NFIX: variants seen among roughly 807,000 people sequenced by gnomAD.
The protein encoded by NFIX is nuclear factor I X.
NFIX carries 2 observed loss-of-function variants against 53.3 expected under a neutral mutation model. That is an observed-to-expected ratio of 0.04 (90% CI 0.02 to 0.12). NFIX has a LOEUF of 0.12. NFIX is among the 10% of genes least tolerant of loss of function. NFIX has a pLI of 1.00. For synonymous variants in NFIX, 244 were observed against 289.0 expected, an observed-to-expected ratio of 0.84 and a Z score of 1.58; for missense variants, 310 against 674.5, an observed-to-expected ratio of 0.46 and a Z score of 5.99.
chr19:13,066,404 C>T lies in NFIX; in HGVS notation c.560-6643C>T, dbSNP rs777528079. On this transcript the variant is annotated intron_variant, in intron 2 of 10. Coordinates refer to ENST00000592199, the MANE Select transcript of NFIX (RefSeq NM_001365902.3). The surrounding 1 kb of genome is among the most constrained non-coding windows in gnomAD (Gnocchi z 4.2). ...CTTGAGCCTAGGCCCTAGGGGCAGCCAGAGCAGGCCTAGACCACATGTGGG... is the reference window on the plus strand; with the variant it reads ...CTTGAGCCTAGGCCCTAGGGGCAGCTAGAGCAGGCCTAGACCACATGTGGG... Among the ~76,000 whole-genome samples, 55 of 152,026 alleles carry T rather than the reference C, an allele frequency of 3.6e-4. 1 individual carries two copies. The highest frequency in any genetic ancestry group is 8.8e-5 in the Non-Finnish European group (6 of 68,002).
intron 2 of NFIX, among the ~76,000 whole-genome samples, chr19:13,026,742 C>CTGTGTG (rs201556216): frequency 2.9e-4 from 42 of 146,518 alleles, no homozygotes; most frequent in African/African-American, 9.6e-4. Flanking sequence ...CTCTCTCTCT[C>CTGTGTG]TCTGTGTGTG....
Position 13,081,577 on chromosome 19 carries a change from A to T in NFIX, c.1079-103A>T. ...GTGGCGGCTGCCTTACCTGCTCAGG[A>T]TCCTCAGGACCCTCTGACCGGCAGC... On this transcript the variant is annotated intron_variant, in intron 7 of 10. Coordinates refer to ENST00000592199, the MANE Select transcript of NFIX (RefSeq NM_001365902.3). This position sits in a 1 kb window ranked among gnomAD's most constrained non-coding sequence, Gnocchi z 4.7. 10 of 1,235,370 alleles carry T rather than the reference A, an allele frequency of 8.1e-6. No homozygotes were observed. Among genetic ancestry groups the T allele is most frequent in the Non-Finnish European group, 1.1e-5 (10 of 901,772 alleles). The allele number at this position is 1,235,370 out of a possible 1,614,324, so 76.5% of individuals were successfully genotyped here. A position where few individuals can be genotyped will look rare whatever the true frequency, so the allele number is the denominator to read the frequency against.
intron 10 of NFIX, among the ~76,000 whole-genome samples, chr19:13,091,634 CT>C (rs892411793): frequency 1.3e-5 from 2 of 152,132 alleles, no homozygotes; most frequent in African/African-American, 4.8e-5. Flanking sequence ...CGAGCAGGGG[CT>C]GGAGCCAGCC....
At chr19:13,082,985 G>A (rs1307428632) in intron 8 of NFIX, among the ~76,000 whole-genome samples, 2 of 152,144 alleles carry the variant, frequency 1.3e-5, no homozygotes, top group African/African-American at 2.4e-5. Flanking sequence ...CCGTGGCTCC[G>A]CCTCCTCACT....
Position 13,019,442 on chromosome 19 carries a change from C to T in NFIX, c.28-5579C>T, listed in dbSNP as rs546610097. Among the ~76,000 whole-genome samples the T allele has an allele frequency of 7.9e-5, 12 of 152,264 alleles. 1 individual carries two copies. The highest frequency in any genetic ancestry group is 2.6e-4 in the African/African-American group (11 of 41,556). On this transcript the variant is annotated intron_variant, in intron 1 of 10. Transcript: ENST00000592199. ...TTAACTGGTTTTTCTTTCTCTGCCGCGGTGCAGAGCCCTTTTCTGTCTTCT... is the reference window on the plus strand; with the variant it reads ...TTAACTGGTTTTTCTTTCTCTGCCGTGGTGCAGAGCCCTTTTCTGTCTTCT...
Position 13,028,667 on chromosome 19 carries a change from T to A in NFIX, c.559+3115T>A, listed in dbSNP as rs1433591618. ...GTCTGTCTGTGTTTAGGAAGGGAGG[T>A]TGAGGCAGGGCAGGGTCAGAGAGCA... On this transcript the variant is annotated intron_variant, in intron 2 of 10. Transcript: ENST00000592199. The surrounding 1 kb of genome is among the most constrained non-coding windows in gnomAD (Gnocchi z 4.2). 6.6e-6 allele frequency among the ~76,000 whole-genome samples: 1 copy of A among 151,888 alleles called. No homozygotes were observed. The highest frequency in any genetic ancestry group is 1.5e-5 in the Non-Finnish European group (1 of 67,970).
chr19:13,026,473 G>A (rs867372479), intron 2 of NFIX, among the ~76,000 whole-genome samples: 1 of 151,068 alleles, frequency 6.6e-6, no homozygotes, highest in African/African-American at 2.4e-5. Flanking sequence ...CCTGCATTTT[G>A]GGTCAGGGTG....
chr19:13,074,140 C>T (rs2016932572), intron 5 of NFIX, 114 bp downstream of exon 5: 1 of 1,359,124 alleles, frequency 7.4e-7, no homozygotes, highest in African/African-American at 1.4e-5. Context: ...AGAATGTCAC[C>T]TCTCTCATTG....
chr19:13,036,073 C>G lies in NFIX; in HGVS notation c.559+10521C>G, dbSNP rs1215667844. On this transcript the variant is annotated intron_variant, in intron 2 of 10. Coordinates refer to ENST00000592199, the MANE Select transcript of NFIX (RefSeq NM_001365902.3). This position sits in a 1 kb window ranked among gnomAD's most constrained non-coding sequence, Gnocchi z 4.7. ...CGACCACAGAAGTCAGGGCCTAAGC[C>G]TCAGCCTGCCCTGAGATCCCCACCA... 1.3e-5 allele frequency among the ~76,000 whole-genome samples: 2 copies of G among 152,212 alleles called. No homozygotes were observed. Among genetic ancestry groups the G allele is most frequent in the Admixed American group, 1.3e-4 (2 of 15,288 alleles).
Position 13,094,698 on chromosome 19 carries a change from A to AG in NFIX, c.*55dup, listed in dbSNP as rs949862547. The AG allele has an allele frequency of 6.6e-7, 1 of 1,522,452 alleles. No homozygotes were observed. Among genetic ancestry groups the AG allele is most frequent in the East Asian group, 2.4e-5 (1 of 40,822 alleles). The allele number at this position is 1,522,452 out of a possible 1,614,324, so 94.3% of individuals were successfully genotyped here. ...AAATGAGAAGAAGAGGTTCCTCGAA[A>AG]GGGGGGAGAAGAAATTTTGAGAATG... On this transcript the variant is annotated 3_prime_UTR_variant, in exon 11 of 11. Coordinates refer to ENST00000592199, the MANE Select transcript of NFIX (RefSeq NM_001365902.3). This position sits in a 1 kb window ranked among gnomAD's most constrained non-coding sequence, Gnocchi z 4.3.
chr19:13,056,036 G>A (rs1305178725), intron 2 of NFIX, among the ~76,000 whole-genome samples: 1 of 152,178 alleles, frequency 6.6e-6, no homozygotes, highest in African/African-American at 2.4e-5. Context: ...GGGAGTGAGG[G>A]CTGAAAAGCA....
At position 13,051,946 on chromosome 19, in the gene NFIX, G is replaced by A. The variant is rs905465155; in HGVS notation, c.560-21101G>A. 3.9e-5 allele frequency among the ~76,000 whole-genome samples: 6 copies of A among 152,146 alleles called. No individual in the cohort carries two copies. Among genetic ancestry groups the A allele is most frequent in the Non-Finnish European group, 8.8e-5 (6 of 68,026 alleles). ...TCACAGCGCCCGCCTTCTCCGCTCC[G>A]GCTTCATGCTCTCCAGGTTTCTCCA... On this transcript the variant is annotated intron_variant, in intron 2 of 10. Transcript: ENST00000592199. The surrounding 1 kb of genome is among the most constrained non-coding windows in gnomAD (Gnocchi z 5.1).
intron 1 of NFIX, among the ~76,000 whole-genome samples, chr19:13,018,532 C>T (rs571069799): frequency 6.6e-6 from 1 of 152,328 alleles, no homozygotes; most frequent in East Asian, 1.9e-4. Context: ...CCGCTTTGTC[C>T]AAATTATCCG....
chr19:13,066,832 C>A lies in NFIX; in HGVS notation c.560-6215C>A, dbSNP rs999555317. Among the ~76,000 whole-genome samples the A allele has an allele frequency of 6.6e-6, 1 of 152,098 alleles. No homozygotes were observed. The highest frequency in any genetic ancestry group is 2.4e-5 in the African/African-American group (1 of 41,408). ...GAGAAGGAGAGGAAGATCCTAGAAG[C>A]CCCGTGGGCCCAGACCCTGGCCAAG... is the stretch of plus-strand genomic sequence containing the variant. On this transcript the variant is annotated intron_variant, in intron 2 of 10. Transcript: ENST00000592199. The surrounding 1 kb of genome is among the most constrained non-coding windows in gnomAD (Gnocchi z 4.2).
intron 7 of NFIX, among the ~76,000 whole-genome samples, chr19:13,080,857 G>A (rs545054755): frequency 4.0e-5 from 6 of 151,838 alleles, no homozygotes; most frequent in Non-Finnish European, 7.4e-5. Flanking sequence ...AAAATTAGCC[G>A]GGCGTGGTGG....
At chr19:13,077,347 C>G (rs143201983) in intron 6 of NFIX, among the ~76,000 whole-genome samples, 1 of 152,224 alleles carries the variant, frequency 6.6e-6, no homozygotes, top group Non-Finnish European at 1.5e-5. Flanking sequence ...CAGCACCCTC[C>G]GGCTCCCTTT....
In NFIX at chr19:13,002,304, T is replaced by A. The variant is rs750150392; in HGVS notation, c.27+6440T>A. On this transcript the variant is annotated intron_variant, in intron 1 of 10. Coordinates refer to ENST00000592199, the MANE Select transcript of NFIX (RefSeq NM_001365902.3). This position sits in a 1 kb window ranked among gnomAD's most constrained non-coding sequence, Gnocchi z 6.1. Reference sequence around the variant, plus strand: ...AACGCGTCTTGGCTCCGTCTGAATATCTCTCCTCCTCGATTTTTGGCTCCA... The same window carrying A: ...AACGCGTCTTGGCTCCGTCTGAATAACTCTCCTCCTCGATTTTTGGCTCCA... Among the ~76,000 whole-genome samples, 13 of 151,778 alleles carry A rather than the reference T, an allele frequency of 8.6e-5. No individual in the cohort carries two copies. The highest frequency in any genetic ancestry group is 1.2e-4 in the Non-Finnish European group (8 of 67,914).
In NFIX at chr19:13,036,376, C is replaced by T. The variant is rs190141386; in HGVS notation, c.559+10824C>T. Among the ~76,000 whole-genome samples the T allele has an allele frequency of 1.4e-3, 218 of 152,208 alleles. No individual in the cohort carries two copies. The highest frequency in any genetic ancestry group is 2.3e-3 in the Non-Finnish European group (156 of 68,012). The stretch of plus-strand genomic sequence containing the variant: ...GAGAAGAGTGGCAGAGGAAGAAGAG[C>T]GTCCTCTCCAGGCCAGGGGTGGGGC... On this transcript the variant is annotated intron_variant, in intron 2 of 10. Coordinates refer to ENST00000592199, the MANE Select transcript of NFIX (RefSeq NM_001365902.3). This position sits in a 1 kb window ranked among gnomAD's most constrained non-coding sequence, Gnocchi z 4.7.
intron 1 of NFIX, chr19:13,024,582 G>T: frequency 6.5e-7 from 1 of 1,536,142 alleles, no homozygotes; most frequent in South Asian, 1.2e-5. Flanking sequence ...CGTCTGTGCA[G>T]ACGGACACTG....
Sources: allele counts gnomAD v4.1 joint callset (sites outside exome capture counted in the v4.1 genomes callset), GRCh38; gene constraint gnomAD v4.1.1; non-coding constraint Gnocchi (gnomAD v3.1); transcripts MANE v1.5; gene names NCBI Gene and HGNC (gene_info 2026-07-23, HGNC 2026-07-21).